KCNK9: variants seen among roughly 807,000 people sequenced by gnomAD.
KCNK9 encodes the protein potassium channel subfamily K member 9.
In KCNK9, 1 loss-of-function variant was observed where a neutral mutation model predicts 10.8. The ratio of observed to expected loss-of-function variants is 0.09; its 90% CI spans 0.03 to 0.44. The LOEUF is 0.44. Among genes scored for constraint, KCNK9 ranks in the 20% least tolerant of loss-of-function variants. KCNK9 has a pLI of 0.97. For synonymous variants in KCNK9, 231 were observed against 222.7 expected, an observed-to-expected ratio of 1.04 and a Z score of -0.33; for missense variants, 303 against 515.0, an observed-to-expected ratio of 0.59 and a Z score of 3.98.
At position 139,638,657 on chromosome 8, in the gene KCNK9, A is replaced by C. The variant is rs557364976; in HGVS notation, c.284-19558T>G. ...GCTTTGTCTGGGGATAGTCCCTACC[A>C]GCCTCCCTGGGTGCCTCTAATCTAG... On this transcript the variant is annotated intron_variant, in intron 1 of 1. Coordinates refer to ENST00000520439, the MANE Select transcript of KCNK9 (RefSeq NM_001282534.2). 2.0e-5 allele frequency among the ~76,000 whole-genome samples: 3 copies of C among 152,262 alleles called. No homozygotes were observed. The South Asian group carries it at 6.2e-4, about 32-fold the overall frequency.
intron 1 of KCNK9, among the ~76,000 whole-genome samples, chr8:139,622,875 C>A (rs1814836174): frequency 6.6e-6 from 1 of 152,190 alleles, no homozygotes; most frequent in South Asian, 2.1e-4. Context: ...AGAGTACACA[C>A]AGTGTACACT....
At chr8:139,692,076 C>T (rs1456980645) in intron 1 of KCNK9, among the ~76,000 whole-genome samples, 1 of 152,188 alleles carries the variant, frequency 6.6e-6, no homozygotes, top group Non-Finnish European at 1.5e-5. Context: ...GGAGCAGCCA[C>T]CATGGAACCA....
At chr8:139,679,909 C>T (rs1816647837) in intron 1 of KCNK9, among the ~76,000 whole-genome samples, 1 of 152,196 alleles carries the variant, frequency 6.6e-6, no homozygotes, top group Non-Finnish European at 1.5e-5. Context: ...GCCTGGGTGC[C>T]TTTCTCATAT....
At chr8:139,662,606 G>A (rs1163661734) in intron 1 of KCNK9, among the ~76,000 whole-genome samples, 1 of 152,106 alleles carries the variant, frequency 6.6e-6, no homozygotes, top group Non-Finnish European at 1.5e-5. Flanking sequence ...TAGGCTGCCA[G>A]GTTAAGGCCT....
At chr8:139,660,581 A>C (rs1183986381) in intron 1 of KCNK9, among the ~76,000 whole-genome samples, 1 of 151,944 alleles carries the variant, frequency 6.6e-6, no homozygotes, top group Non-Finnish European at 1.5e-5. Flanking sequence ...AGATTGCACC[A>C]CTGCAATCCA....
At chr8:139,630,649 G>A (rs13264630) in intron 1 of KCNK9, among the ~76,000 whole-genome samples, 6 of 148,414 alleles carry the variant, frequency 4.0e-5, no homozygotes, top group African/African-American at 1.6e-4. Context: ...GAACCTCTCA[G>A]GTCCGGGGAC....
intron 1 of KCNK9, 73 bp from the exon 2 acceptor site, chr8:139,619,172 G>T: frequency 6.4e-7 from 1 of 1,557,682 alleles, no homozygotes. Context: ...AGGGAGGGTC[G>T]ACTTGGTGCA....
rs1814922757 is a variant in KCNK9 at position 139,625,022 on chromosome 8, C to G, written c.284-5923G>C. 2.0e-5 allele frequency among the ~76,000 whole-genome samples: 3 copies of G among 152,208 alleles called. No individual in the cohort carries two copies. The East Asian group carries it at 5.8e-4, about 29-fold the overall frequency. On this transcript the variant is annotated intron_variant, in intron 1 of 1. Coordinates refer to ENST00000520439, the MANE Select transcript of KCNK9 (RefSeq NM_001282534.2). ...GTGAAATGGGGCAGATGATGTGCAT[C>G]AGAGCACAATGAGAATCAGCCCCCT...
intron 1 of KCNK9, among the ~76,000 whole-genome samples, chr8:139,651,029 G>C (rs1815846584): frequency 6.6e-6 from 1 of 152,200 alleles, no homozygotes; most frequent in Non-Finnish European, 1.5e-5. Context: ...CTGCAGGTCA[G>C]GGAGCCCACC....
downstream of KCNK9, among the ~76,000 whole-genome samples, chr8:139,609,532 G>T (rs932516834): frequency 2.6e-5 from 4 of 152,168 alleles, no homozygotes; most frequent in African/African-American, 9.7e-5. Flanking sequence ...CTGGGCAGGG[G>T]CAGGCCCCTC....
At chr8:139,605,496 G>C (rs1245962937) in intron 2 of KCNK9, among the ~76,000 whole-genome samples, 2 of 152,218 alleles carry the variant, frequency 1.3e-5, no homozygotes, top group Admixed American at 6.5e-5. Context: ...GGAAGACCAA[G>C]AGCAAACAGG....
intron 2 of KCNK9, among the ~76,000 whole-genome samples, chr8:139,601,761 G>C (rs1223633651): frequency 6.6e-6 from 1 of 152,200 alleles, no homozygotes; most frequent in African/African-American, 2.4e-5. Context: ...CCTGATGTAA[G>C]ATTTTATTGC....
intron 1 of KCNK9, among the ~76,000 whole-genome samples, chr8:139,701,132 T>C (rs1817209545): frequency 2.0e-5 from 3 of 152,180 alleles, no homozygotes; most frequent in Admixed American, 2.0e-4. Flanking sequence ...TGCATCTGCG[T>C]GCCACTGCCA....
At position 139,624,892 on chromosome 8, in the gene KCNK9, T is replaced by C. The variant is rs182989314; in HGVS notation, c.284-5793A>G. The stretch of plus-strand genomic sequence containing the variant: ...TCATTGTAAAAATGTCAAAGCCCAC[T>C]TGGAAAAGCTGACTCTGTCCTGGGC... On this transcript the variant is annotated intron_variant, in intron 1 of 1. Transcript: ENST00000520439. Among the ~76,000 whole-genome samples the C allele has an allele frequency of 1.2e-3, 188 of 152,256 alleles. 3 individuals carry two copies. Among genetic ancestry groups the C allele is most frequent in the African/African-American group, 3.4e-3 (143 of 41,568 alleles).
At chr8:139,658,842 C>T (rs1341061481) in intron 1 of KCNK9, among the ~76,000 whole-genome samples, 1 of 152,252 alleles carries the variant, frequency 6.6e-6, no homozygotes, top group African/African-American at 2.4e-5. Flanking sequence ...CTGAGTCTGC[C>T]ACTGCCCTTG....
At chr8:139,619,661 C>T (rs906154921) in intron 1 of KCNK9, among the ~76,000 whole-genome samples, 2 of 152,116 alleles carry the variant, frequency 1.3e-5, no homozygotes, top group African/African-American at 2.4e-5. Flanking sequence ...ATAATGATTC[C>T]AACCCCACTG....
At chr8:139,636,006 C>T (rs2545461) in intron 1 of KCNK9, among the ~76,000 whole-genome samples, 121,038 of 152,188 alleles carry the variant, frequency 0.8, 49,347 homozygotes, top group African/African-American at 0.93. Context: ...ATAGGGAATC[C>T]GTTAGACCCC....
chr8:139,673,536 G>A (rs1277443097), intron 1 of KCNK9, among the ~76,000 whole-genome samples: 1 of 152,188 alleles, frequency 6.6e-6, no homozygotes, highest in East Asian at 1.9e-4. Context: ...CCCTGACAGT[G>A]TGGCTGGTAA....
At chr8:139,691,537 C>G (rs1215935410) in intron 1 of KCNK9, among the ~76,000 whole-genome samples, 4 of 152,084 alleles carry the variant, frequency 2.6e-5, no homozygotes, top group Non-Finnish European at 5.9e-5. Context: ...CCAGCAAACC[C>G]TTAAAGGAGG....
Sources: allele counts gnomAD v4.1 joint callset (sites outside exome capture counted in the v4.1 genomes callset), GRCh38; gene constraint gnomAD v4.1.1; transcripts MANE v1.5; gene names NCBI Gene and HGNC (gene_info 2026-07-23, HGNC 2026-07-21).